Variants in PTPRF observed in about 807,000 individuals in gnomAD.
The protein encoded by PTPRF is protein tyrosine phosphatase receptor type F.
Under a neutral mutation model 201.8 loss-of-function variants are expected in PTPRF, and 59 were observed. That is an observed-to-expected ratio of 0.29 (90% CI 0.24 to 0.36). The LOEUF is 0.36. PTPRF is among the 10% of genes least tolerant of loss of function. The pLI, the probability that PTPRF is intolerant of heterozygous loss-of-function variation, is 1.00. For missense variants in PTPRF, 2,132 were observed against 2,690.5 expected (o/e 0.79, Z 4.59); for synonymous variants, 1,088 against 1,089.7 (o/e 1.00, Z 0.03).
chr1:43,522,175 A>C (rs1161833099), upstream of PTPRF, among the ~76,000 whole-genome samples: 1 of 152,050 alleles, frequency 6.6e-6, no homozygotes, highest in Non-Finnish European at 1.5e-5. Flanking sequence ...TTAATAAATC[A>C]CTTCATCTCA....
intron 7 of PTPRF, among the ~76,000 whole-genome samples, chr1:43,581,345 G>T (rs986711857): frequency 1.3e-5 from 2 of 152,172 alleles, no homozygotes; most frequent in Non-Finnish European, 2.9e-5. Context: ...CCTGACTTCT[G>T]TTGTCTCTCT....
At position 43,591,098 on chromosome 1, in the gene PTPRF, C is replaced by T. The variant is rs772095405; in HGVS notation, c.1076C>T (p.Thr359Met). Residue 359 changes from threonine (T) to methionine (M), a missense_variant, in exon 9 of 34, where the codon ACG (threonine) becomes ATG (methionine). This residue lies in a region of PTPRF where 351 missense variants were observed against 401.7 expected (regional missense o/e 0.87). Coordinates refer to ENST00000359947, the MANE Select transcript of PTPRF (RefSeq NM_002840.5). The stretch of plus-strand genomic sequence containing the variant: ...GGCATCCAGTACCGCGCAGCGGGCA[C>T]GGAGGGCCCCTTTCAGGAGGTGGAT... ...YYGIQYRAAG[T>M]EGPFQEVDGV... 8.1e-6 allele frequency: 13 copies of T among 1,613,816 alleles called. No homozygotes were observed. In the East Asian group the frequency reaches 1.3e-4, roughly 17 times the overall value.
Position 43,545,015 on chromosome 1 carries a change from CT to C in PTPRF, c.-45-14del, listed in dbSNP as rs1644573189. ...TAAATACCAGCTAACTGGCTCTGCC[CT>C]TCTCTCCATTACAGGTTGATTGTCC... On this transcript the variant is annotated splice_polypyrimidine_tract_variant and intron_variant, in intron 2 of 33. Transcript: ENST00000359947. 23 of 1,447,028 alleles carry C rather than the reference CT, an allele frequency of 1.6e-5. No individual in the cohort carries two copies. The highest frequency in any genetic ancestry group is 2.0e-5 in the Non-Finnish European group (21 of 1,064,518). The allele number at this position is 1,447,028 out of a possible 1,614,324, so 89.6% of individuals were successfully genotyped here.
Position 43,590,956 on chromosome 1 carries a change from TC to T in PTPRF, c.950-14del. 6.3e-7 allele frequency: 1 copy of T among 1,594,906 alleles called. No homozygotes were observed. Among genetic ancestry groups the T allele is most frequent in the South Asian group, 1.1e-5 (1 of 90,158 alleles). Reference sequence around the variant, plus strand: ...CTTGACCTCGGGCAGCTTTGAGCCTTCCACTTTGTCTCCAGCTCTTCCAAAG... The same window carrying T: ...CTTGACCTCGGGCAGCTTTGAGCCTTCACTTTGTCTCCAGCTCTTCCAAAG... On this transcript the variant is annotated splice_polypyrimidine_tract_variant and intron_variant, in intron 8 of 33. Transcript: ENST00000359947.
chr1:43,536,690 G>T (rs1644033295), intron 1 of PTPRF, among the ~76,000 whole-genome samples: 1 of 152,230 alleles, frequency 6.6e-6, no homozygotes, highest in Non-Finnish European at 1.5e-5. Flanking sequence ...AAGCTGGTTT[G>T]TCTGGCCAGA....
In PTPRF at chr1:43,603,196, C is replaced by G. The variant is rs1432862256; in HGVS notation, c.2341-220C>G. ...GAAAAGAATAATGAGCTGTCTGCCC[C>G]AGGCGTGCGGCTCCTGGGATGGGCG... On this transcript the variant is annotated intron_variant, in intron 14 of 33. Coordinates refer to ENST00000359947, the MANE Select transcript of PTPRF (RefSeq NM_002840.5). This position sits in a 1 kb window ranked among gnomAD's most constrained non-coding sequence, Gnocchi z 5.8. Among the ~76,000 whole-genome samples, 1 of 152,148 alleles carries G rather than the reference C, an allele frequency of 6.6e-6. No individual in the cohort carries two copies. Among genetic ancestry groups the G allele is most frequent in the Non-Finnish European group, 1.5e-5 (1 of 68,010 alleles).
chr1:43,564,250 C>T (rs1405574496), intron 5 of PTPRF, among the ~76,000 whole-genome samples: 2 of 152,134 alleles, frequency 1.3e-5, no homozygotes, highest in Non-Finnish European at 2.9e-5. Flanking sequence ...GCAGATCTGG[C>T]AGCCTTCGAC....
chr1:43,568,120 A>T (rs1646309912), intron 5 of PTPRF, among the ~76,000 whole-genome samples: 1 of 151,750 alleles, frequency 6.6e-6, no homozygotes, highest in Non-Finnish European at 1.5e-5. Flanking sequence ...ACATGGTGAA[A>T]CCCCGTCTCT....
Position 43,606,432 on chromosome 1 carries a change from G to A in PTPRF, c.3676G>A (p.Ala1226Thr), listed in dbSNP as rs1286475973. ...PDLSYQCFVL[A>T]SLKEPMDQKR... ...CTTGAGCTACCAGTGCTTTGTGCTT[G>A]CCTCCTTGAAGGAACCCATGGACCA... is the stretch of plus-strand genomic sequence containing the variant. The change falls in exon 20 of 34, where the codon GCC (alanine) becomes ACC (threonine). Residue 1226 changes from alanine to threonine, a missense_variant. Transcript: ENST00000359947. 6.2e-7 allele frequency: 1 copy of A among 1,613,986 alleles called. No individual in the cohort carries two copies. The highest frequency in any genetic ancestry group is 8.5e-7 in the Non-Finnish European group (1 of 1,179,968).
In PTPRF at chr1:43,605,293, G is replaced by A. The variant is rs1169752499; in HGVS notation, c.3239G>A (p.Arg1080His). The A allele has an allele frequency of 5.6e-6, 9 of 1,613,148 alleles. No homozygotes were observed. Among genetic ancestry groups the A allele is most frequent in the East Asian group, 2.2e-5 (1 of 44,856 alleles). ...NTEYSFVLMN[R>H]GSSAGGLQHL... Reference sequence around the variant, plus strand: ...GAGTACTCGTTTGTGCTGATGAACCGTGGCAGCAGCGCAGGGGGCCTGCAG... The same window carrying A: ...GAGTACTCGTTTGTGCTGATGAACCATGGCAGCAGCGCAGGGGGCCTGCAG... Residue 1080 changes from arginine to histidine, a missense_variant, in exon 18 of 34, where the codon CGT (arginine) becomes CAT (histidine). By Grantham distance (29) the Arg-to-His change is conservative. This residue lies in a region of PTPRF where 818 missense variants were observed against 915.3 expected (regional missense o/e 0.89). Transcript: ENST00000359947.
chr1:43,532,153 CTT>C (rs1211338603), intron 1 of PTPRF, among the ~76,000 whole-genome samples: 2 of 152,170 alleles, frequency 1.3e-5, no homozygotes, highest in Non-Finnish European at 2.9e-5. Flanking sequence ...TCACCCATCT[CTT>C]GGTGTCTCTG....
intron 7 of PTPRF, among the ~76,000 whole-genome samples, chr1:43,581,372 G>A (rs1031946466): frequency 5.3e-5 from 8 of 152,168 alleles, no homozygotes; most frequent in Admixed American, 3.9e-4. Context: ...CACATACGAC[G>A]TTCCTCTAGG....
chr1:43,619,455 T>A lies in PTPRF; in HGVS notation c.4814T>A (p.Leu1605Gln). ...DQYVFIHEAL[L>Q]EAATCGHTEV... ...TACGTGTTCATCCATGAGGCGCTGCTGGAGGCTGCCACGTGCGGCCACACA... is the reference window on the plus strand; with the variant it reads ...TACGTGTTCATCCATGAGGCGCTGCAGGAGGCTGCCACGTGCGGCCACACA... Residue 1605 changes from leucine (L) to glutamine (Q), a missense_variant, in exon 28 of 34, where the codon CTG becomes CAG. By Grantham distance (113) the Leu-to-Gln change is moderately radical. Around this residue, in one of 6 missense-constraint regions of PTPRF, gnomAD observed 519 missense variants for 659.5 expected, o/e 0.79. Coordinates refer to ENST00000359947, the MANE Select transcript of PTPRF (RefSeq NM_002840.5). 6.2e-7 allele frequency: 1 copy of A among 1,614,108 alleles called. No homozygotes were observed. Among genetic ancestry groups the A allele is most frequent in the Non-Finnish European group, 8.5e-7 (1 of 1,180,044 alleles).
At chr1:43,562,452 C>T (rs1482923894) in intron 5 of PTPRF, among the ~76,000 whole-genome samples, 1 of 151,988 alleles carries the variant, frequency 6.6e-6, no homozygotes, top group Non-Finnish European at 1.5e-5. Context: ...GCCACCCAGG[C>T]TGGAGTGCAG....
Position 43,605,268 on chromosome 1 carries a change from G to C in PTPRF, c.3214G>C (p.Glu1072Gln), listed in dbSNP as rs201157421. 6.2e-7 allele frequency: 1 copy of C among 1,612,598 alleles called. No individual in the cohort carries two copies. The highest frequency in any genetic ancestry group is 1.7e-5 in the Admixed American group (1 of 60,012). Residue 1072 changes from glutamate (E) to glutamine (Q), a missense_variant, in exon 18 of 34, where the codon GAG (glutamate) becomes CAG (glutamine). Transcript: ENST00000359947. ...KLIADLQPNT[E>Q]YSFVLMNRGS... ...GATCGCAGACCTGCAGCCCAACACA[G>C]AGTACTCGTTTGTGCTGATGAACCG...
intron 2 of PTPRF, among the ~76,000 whole-genome samples, chr1:43,540,737 G>A (rs979427108): frequency 7.2e-5 from 11 of 152,232 alleles, no homozygotes; most frequent in African/African-American, 2.7e-4. Flanking sequence ...TGGGAGGGAG[G>A]GCTGTTCCTG....
At chr1:43,586,393 C>T (rs547992791) in intron 7 of PTPRF, among the ~76,000 whole-genome samples, 7 of 152,370 alleles carry the variant, frequency 4.6e-5, no homozygotes, top group South Asian at 2.1e-4. Flanking sequence ...GGGCATGCAC[C>T]GCTGGGCTGG....
At chr1:43,570,654 C>A (rs977927732) in intron 6 of PTPRF, among the ~76,000 whole-genome samples, 1 of 152,370 alleles carries the variant, frequency 6.6e-6, no homozygotes, top group Non-Finnish European at 1.5e-5. Flanking sequence ...CTCCCACTCC[C>A]TGGGATGCCA....
At chr1:43,549,972 G>A (rs1644915400) in intron 3 of PTPRF, among the ~76,000 whole-genome samples, 1 of 152,164 alleles carries the variant, frequency 6.6e-6, no homozygotes, top group Non-Finnish European at 1.5e-5. Flanking sequence ...GGAGAGGTGC[G>A]GTTAGATCTG....
Sources: gnomAD v4.1 joint callset for allele counts (sites outside exome capture counted in the v4.1 genomes callset) on GRCh38, gnomAD v4.1.1 for gene constraint, gnomAD v4.1.1 regional missense constraint, Gnocchi (gnomAD v3.1) non-coding constraint, MANE v1.5 for transcripts, NCBI Gene and HGNC (gene_info 2026-07-23, HGNC 2026-07-21) for gene names.